The following SIPA1L1 variants were observed in gnomAD, a reference collection of about 807,000 sequenced individuals.
SIPA1L1 encodes signal induced proliferation associated 1 like 1, also known as signal-induced proliferation-associated 1-like protein 1.
In SIPA1L1, 26 loss-of-function variants were observed where a neutral mutation model predicts 162.7. The ratio of observed to expected loss-of-function variants is 0.16; its 90% confidence interval spans 0.12 to 0.22. The LOEUF (loss-of-function observed/expected upper bound fraction) is 0.22. Ranked by LOEUF, SIPA1L1 falls within the 10% of genes least tolerant of loss-of-function variation. The pLI, the probability that SIPA1L1 is intolerant of heterozygous loss-of-function variation, is 1.00. For synonymous variants in SIPA1L1, 829 were observed against 837.4 expected (o/e 0.99, Z 0.17); for missense variants, 1,874 against 2,241.0 (o/e 0.84, Z 3.31).
At chr14:71,685,298 G>T in intron 12 of SIPA1L1, 64 bp from the exon 13 acceptor site, 1 of 1,544,332 alleles carries the variant, frequency 6.5e-7, no homozygotes, top group Non-Finnish European at 8.9e-7. Context: ...GAGAATCAAT[G>T]TGGTTCCACC....
chr14:71,599,782 CTTTT>C (rs1426863479), intron 5 of SIPA1L1, among the ~76,000 whole-genome samples: 3 of 151,972 alleles, frequency 2.0e-5, no homozygotes. Flanking sequence ...CATCTGTTGT[CTTTT>C]TGTCTTTTTA....
chr14:71,735,247 A>T, intron 21 of SIPA1L1, 30 bp from the exon 22 acceptor site: 1 of 1,509,430 alleles, frequency 6.6e-7, no homozygotes, highest in Non-Finnish European at 9.2e-7. Flanking sequence ...TGGTTCCAAA[A>T]TACTAAATGG....
chr14:71,364,449 G>A (rs1280914202), intron 2 of SIPA1L1, among the ~76,000 whole-genome samples: 2 of 152,096 alleles, frequency 1.3e-5, no homozygotes, highest in Non-Finnish European at 2.9e-5. Flanking sequence ...GAATTATACA[G>A]TATATAGCCT....
At chr14:71,557,229 T>C (rs979577958) in intron 4 of SIPA1L1, among the ~76,000 whole-genome samples, 2 of 152,250 alleles carry the variant, frequency 1.3e-5, no homozygotes, top group African/African-American at 2.4e-5. Context: ...TTTAAACTAG[T>C]ATTTGGTTTG....
chr14:71,623,074 T>A (rs1319273529), intron 6 of SIPA1L1, among the ~76,000 whole-genome samples: 10 of 152,252 alleles, frequency 6.6e-5, no homozygotes, highest in Non-Finnish European at 5.9e-5. Flanking sequence ...GGGGCCTTTC[T>A]TTATGCCCTG....
At chr14:71,398,141 G>A (rs1002738802) in intron 2 of SIPA1L1, among the ~76,000 whole-genome samples, 2 of 141,692 alleles carry the variant, frequency 1.4e-5, no homozygotes, top group Non-Finnish European at 3.0e-5. Flanking sequence ...TCAGCCTCCC[G>A]AATGGCTGGG....
intron 2 of SIPA1L1, among the ~76,000 whole-genome samples, chr14:71,420,395 C>T (rs1308809190): frequency 6.6e-6 from 1 of 152,140 alleles, no homozygotes; most frequent in African/African-American, 2.4e-5. Flanking sequence ...ATCTGACTGT[C>T]TGTCTGCCTA....
rs74319287 is a variant in SIPA1L1 at position 71,708,207 on chromosome 14, C to T, written c.3766-1015C>T. Among the ~76,000 whole-genome samples the T allele has an allele frequency of 3.5e-3, 537 of 151,470 alleles. 1 individual carries two copies. The highest frequency in any genetic ancestry group is 6.1e-3 in the Non-Finnish European group (413 of 67,882). On this transcript the variant is annotated intron_variant, in intron 16 of 23. Transcript: ENST00000381232. Reference sequence around the variant, plus strand: ...ATTTTATAACTGGAGGTCCTGAAGACTTACACATATGTTTTCTTGTAAGAG... The same window carrying T: ...ATTTTATAACTGGAGGTCCTGAAGATTTACACATATGTTTTCTTGTAAGAG...
intron 5 of SIPA1L1, among the ~76,000 whole-genome samples, chr14:71,591,062 G>A (rs116619558): frequency 0.021 from 3,185 of 152,136 alleles, 110 homozygotes; most frequent in African/African-American, 0.072. Flanking sequence ...ATAGGTGGAG[G>A]CAAAATGGCC....
At chr14:71,321,926 C>G (rs1393614555) in intron 2 of SIPA1L1, 1 of 152,158 alleles carries the variant, frequency 6.6e-6, no homozygotes, top group Non-Finnish European at 1.5e-5. Context: ...AGATGTTTAG[C>G]TAAATTGTTG....
intron 3 of SIPA1L1, among the ~76,000 whole-genome samples, chr14:71,522,418 C>G (rs904014286): frequency 2.0e-5 from 3 of 152,150 alleles, no homozygotes; most frequent in Admixed American, 6.5e-5. Context: ...TATCCCTGAT[C>G]TGAAATGCTT....
rs149166829 is a variant in SIPA1L1 at position 71,607,954 on chromosome 14, C to G, written c.1499-10803C>G. 4.6e-3 allele frequency among the ~76,000 whole-genome samples: 694 copies of G among 152,284 alleles called. 5 individuals are homozygous for G. The highest frequency in any genetic ancestry group is 6.8e-3 in the Middle Eastern group (2 of 294). On this transcript the variant is annotated intron_variant, in intron 5 of 23. Coordinates refer to ENST00000381232, the MANE Select transcript of SIPA1L1 (RefSeq NM_001386936.1). ...TGACACACATAATCAAACTTGCCAC[C>G]TATTTCCCAAATGTATACCTCATTA... is the stretch of plus-strand genomic sequence containing the variant.
At chr14:71,539,056 A>G (rs1481286709) in intron 4 of SIPA1L1, among the ~76,000 whole-genome samples, 3 of 151,980 alleles carry the variant, frequency 2.0e-5, no homozygotes. Flanking sequence ...ACTCATTTTG[A>G]TTTCCTTCGT....
At chr14:71,444,536 TATCTACAGTTCCCAG>T in intron 2 of SIPA1L1, among the ~76,000 whole-genome samples, 1 of 152,224 alleles carries the variant, frequency 6.6e-6, no homozygotes, top group Non-Finnish European at 1.5e-5. Flanking sequence ...GACCATTTCC[TATCTACAGTTCCCAG>T]ATTGGCATTT....
chr14:71,566,181 C>T (rs1193498425), intron 4 of SIPA1L1, among the ~76,000 whole-genome samples: 2 of 152,018 alleles, frequency 1.3e-5, no homozygotes, highest in African/African-American at 2.4e-5. Flanking sequence ...AAAATATGAT[C>T]ACATGAATGA....
intron 2 of SIPA1L1, among the ~76,000 whole-genome samples, chr14:71,419,462 G>A (rs1446171507): frequency 1.3e-5 from 2 of 149,120 alleles, no homozygotes; most frequent in African/African-American, 4.9e-5. Context: ...TAATTTGAAA[G>A]GCTCAAGGAG....
At chr14:71,496,062 TAAAAAAAAAGAAAAAA>T (rs1404171307) in intron 2 of SIPA1L1, among the ~76,000 whole-genome samples, 3 of 104,286 alleles carry the variant, frequency 2.9e-5, no homozygotes, top group African/African-American at 6.7e-5. Context: ...GATCCTGTCT[TAAAAAAAAAGAAAAAA>T]AAAAAAAAAG....
intron 2 of SIPA1L1, among the ~76,000 whole-genome samples, chr14:71,410,701 A>G (rs913139136): frequency 5.9e-5 from 9 of 152,204 alleles, no homozygotes; most frequent in African/African-American, 9.6e-5. Flanking sequence ...TTTTCAGATT[A>G]AGAATACTCA....
At chr14:71,326,784 T>C (rs1009580175) in intron 2 of SIPA1L1, among the ~76,000 whole-genome samples, 1 of 145,910 alleles carries the variant, frequency 6.9e-6, no homozygotes, top group African/African-American at 2.5e-5. Flanking sequence ...CCATCTCTGC[T>C]CACTGCAACC....
Sources: gnomAD v4.1 joint callset for allele counts (sites outside exome capture counted in the v4.1 genomes callset) on GRCh38, gnomAD v4.1.1 for gene constraint, MANE v1.5 for transcripts, NCBI Gene and HGNC (gene_info 2026-07-23, HGNC 2026-07-21) for gene names.